Variants in SPATA6L observed in about 807,000 individuals in gnomAD.
The protein encoded by SPATA6L is spermatogenesis associated 6-like protein.
SPATA6L carries 68 observed loss-of-function variants against 49.2 expected under a neutral mutation model. That is an observed-to-expected ratio of 1.38 (90% confidence interval 1.14 to 1.69). SPATA6L has a LOEUF of 1.69. SPATA6L is among the 40% of genes most tolerant of loss of function. SPATA6L has a pLI of 0.00. For synonymous variants in SPATA6L, 198 were observed against 165.7 expected (o/e 1.19, Z -1.50); for missense variants, 668 against 464.3 (o/e 1.44, Z -4.03).
At chr9:4,634,405 C>A (rs3852395) in intron 4 of SPATA6L, among the ~76,000 whole-genome samples, 22,073 of 152,026 alleles carry the variant, frequency 0.15, 2,581 homozygotes, top group East Asian at 0.33. Context: ...GGGTTACAGT[C>A]ATCAGGAATT....
intron 7 of SPATA6L, among the ~76,000 whole-genome samples, chr9:4,622,175 G>T (rs187392167): frequency 7.9e-5 from 12 of 152,314 alleles, no homozygotes; most frequent in Admixed American, 2.0e-4. Context: ...AGCACACTCA[G>T]CACGCCGCTC....
intron 7 of SPATA6L, among the ~76,000 whole-genome samples, chr9:4,621,572 T>C (rs1321803115): frequency 6.6e-6 from 1 of 152,042 alleles, no homozygotes; most frequent in Non-Finnish European, 1.5e-5. Flanking sequence ...CACTGCAACC[T>C]CTGCCTCCCG....
Position 4,662,168 on chromosome 9 carries a change from A to C in SPATA6L, c.40-132T>G. On this transcript the variant is annotated intron_variant, in intron 1 of 11. Transcript: ENST00000682582. The surrounding 1 kb of genome is among the most constrained non-coding windows in gnomAD (Gnocchi z 4.9). Reference sequence around the variant, plus strand: ...CCCATCACCTCACTCCCTCACCTGTACCTCCCAACGCCAACATCCTCCCCT... The same window carrying C: ...CCCATCACCTCACTCCCTCACCTGTCCCTCCCAACGCCAACATCCTCCCCT... The C allele has an allele frequency of 6.9e-7, 1 of 1,456,274 alleles. No individual in the cohort carries two copies. The allele number at this position is 1,456,274 out of a possible 1,614,324, so 90.2% of individuals were successfully genotyped here. A position where few individuals can be genotyped will look rare whatever the true frequency, so the allele number is the denominator to read the frequency against.
rs1554697389 is a variant in SPATA6L, at chr9:4,600,508, G to GAGAGAGAGAGAGAGAGAGAGAGAGAGT, written c.*302_*303insACTCTCTCTCTCTCTCTCTCTCTCTCT. On this transcript the variant is annotated 3_prime_UTR_variant, in exon 12 of 12. Coordinates refer to ENST00000682582, the MANE Select transcript of SPATA6L (RefSeq NM_001353486.2). ...CAGAGAGAGCCAGAGAGAGAGAGAG[G>GAGAGAGAGAGAGAGAGAGAGAGAGAGT]GGAAGTGTTCAGATAAGCACCTGCC... 2.9e-5 allele frequency: 1 copy of GAGAGAGAGAGAGAGAGAGAGAGAGAGT among 34,796 alleles called. No individual in the cohort carries two copies. The highest frequency in any genetic ancestry group is 1.1e-4 in the Non-Finnish European group (1 of 8,986). The allele number at this position is 34,796 out of a possible 1,614,324, so 2.2% of individuals were successfully genotyped here.
At chr9:4,625,706 TAAG>T (rs1830221306) in intron 5 of SPATA6L, 140 bp from the exon 6 acceptor site, 3 of 545,584 alleles carry the variant, frequency 5.5e-6, no homozygotes, top group Non-Finnish European at 8.8e-6. Flanking sequence ...AACATAAACT[TAAG>T]AAGGACATTT....
At chr9:4,638,490 G>T (rs1833299986) in intron 3 of SPATA6L, among the ~76,000 whole-genome samples, 2 of 152,140 alleles carry the variant, frequency 1.3e-5, no homozygotes, top group African/African-American at 2.4e-5. Context: ...TGGGATTACA[G>T]GTGTGAGCCA....
intron 2 of SPATA6L, among the ~76,000 whole-genome samples, chr9:4,661,302 T>C (rs1401642131): frequency 2.0e-5 from 3 of 152,188 alleles, no homozygotes; most frequent in Non-Finnish European, 4.4e-5. Flanking sequence ...AGTGATGACA[T>C]AGTAATAACA....
At chr9:4,622,905 C>CA (rs1196414100) in intron 6 of SPATA6L, among the ~76,000 whole-genome samples, 1 of 152,160 alleles carries the variant, frequency 6.6e-6, no homozygotes, top group African/African-American at 2.4e-5. Context: ...TCCTCAGTGA[C>CA]AGCAAGGGAT....
At position 4,662,478 on chromosome 9, in the gene SPATA6L, G is replaced by A. The variant is rs1431043556; in HGVS notation, c.40-442C>T. 17 of 1,551,408 alleles carry A rather than the reference G, an allele frequency of 1.1e-5. No individual in the cohort carries two copies. Among genetic ancestry groups the A allele is most frequent in the South Asian group, 2.3e-5 (2 of 85,422 alleles). ...CCCAGCCCATGGCGGCGGTGGCGGC[G>A]GCAGCAGGTTTGAGTTCCAGTCCCT... On this transcript the variant is annotated intron_variant, in intron 1 of 11. Transcript: ENST00000682582. This position sits in a 1 kb window ranked among gnomAD's most constrained non-coding sequence, Gnocchi z 4.9.
intron 5 of SPATA6L, 42 bp downstream of exon 5, chr9:4,629,049 A>T (rs55927512): frequency 0.064 from 90,963 of 1,432,356 alleles, 5,521 homozygotes; most frequent in East Asian, 0.36. Flanking sequence ...TTGAAAAAAA[A>T]AAATCCGGTC....
At chr9:4,641,755 C>T (rs10815046) in intron 3 of SPATA6L, among the ~76,000 whole-genome samples, 37,207 of 152,034 alleles carry the variant, frequency 0.24, 6,447 homozygotes, top group African/African-American at 0.47. Context: ...TTTAAAAAGA[C>T]ACACATCAAA....
At chr9:4,648,629 G>A (rs1030869869) in intron 3 of SPATA6L, among the ~76,000 whole-genome samples, 2 of 151,788 alleles carry the variant, frequency 1.3e-5, no homozygotes, top group Non-Finnish European at 2.9e-5. Context: ...GAACCCGGGA[G>A]GCAGAGCTTG....
chr9:4,627,823 G>A, intron 5 of SPATA6L: 2 of 1,288,978 alleles, frequency 1.6e-6, no homozygotes, highest in Non-Finnish European at 2.0e-6. Flanking sequence ...GTTTACTGCA[G>A]CACTATTCAC....
intron 11 of SPATA6L, among the ~76,000 whole-genome samples, chr9:4,603,005 TG>T (rs1823746849): frequency 6.6e-6 from 1 of 152,144 alleles, no homozygotes. Context: ...TGGGCTTGAA[TG>T]GAAAAGAAAA....
At chr9:4,648,855 G>C (rs576859178) in intron 3 of SPATA6L, among the ~76,000 whole-genome samples, 1 of 151,932 alleles carries the variant, frequency 6.6e-6, no homozygotes, top group Non-Finnish European at 1.5e-5. Flanking sequence ...AGTCCCCAAA[G>C]TCCATTATGT....
chr9:4,646,603 T>C, intron 3 of SPATA6L: 1 of 870,410 alleles, frequency 1.1e-6, no homozygotes, highest in Non-Finnish European at 1.7e-6. Context: ...AGTTTTAAAC[T>C]GTCATAAAAC....
intron 3 of SPATA6L, among the ~76,000 whole-genome samples, chr9:4,654,735 G>T (rs547178117): frequency 1.3e-5 from 2 of 152,126 alleles, no homozygotes; most frequent in Non-Finnish European, 2.9e-5. Flanking sequence ...ACTCCGTGTC[G>T]TTCTGCCAGT....
At chr9:4,622,534 G>A (rs369559590) in intron 6 of SPATA6L, 24 bp from the exon 7 acceptor site, 1 of 1,522,462 alleles carries the variant, frequency 6.6e-7, no homozygotes, top group Non-Finnish European at 9.1e-7. Context: ...AAAGAAATAA[G>A]ACTAGAATCC....
chr9:4,652,347 G>C (rs12343427), intron 3 of SPATA6L, among the ~76,000 whole-genome samples: 6 of 152,118 alleles, frequency 3.9e-5, no homozygotes, highest in African/African-American at 1.4e-4. Context: ...GCTTGAATGA[G>C]GGAGGCAGAG....
Sources: allele counts gnomAD v4.1 joint callset (sites outside exome capture counted in the v4.1 genomes callset), GRCh38; gene constraint gnomAD v4.1.1; non-coding constraint Gnocchi (gnomAD v3.1); transcripts MANE v1.5; gene names NCBI Gene and HGNC (gene_info 2026-07-23, HGNC 2026-07-21).